PIP4K2A: variants seen among roughly 807,000 people sequenced by gnomAD.
PIP4K2A encodes phosphatidylinositol 5-phosphate 4-kinase type-2 alpha.
A neutral mutation model predicts 42.9 loss-of-function variants in PIP4K2A; 14 were observed. That is an observed-to-expected ratio of 0.33 (90% CI 0.22 to 0.51). PIP4K2A has a LOEUF of 0.51. Among genes scored for constraint, PIP4K2A ranks in the 20% least tolerant of loss-of-function variants. PIP4K2A has a pLI of 0.97. For missense variants in PIP4K2A, 434 were observed against 519.8 expected, an observed-to-expected ratio of 0.83 and a Z score of 1.61; for synonymous variants, 192 against 192.2, an observed-to-expected ratio of 1.00 and a Z score of 0.01.
chr10:22,617,079 G>C (rs1838191598), intron 1 of PIP4K2A, among the ~76,000 whole-genome samples: 1 of 152,200 alleles, frequency 6.6e-6, no homozygotes, highest in Non-Finnish European at 1.5e-5. Flanking sequence ...ACTCAGAAAA[G>C]GTACCTTGAT....
intron 1 of PIP4K2A, among the ~76,000 whole-genome samples, chr10:22,697,747 AACACACACATACACAC>A (rs1335817400): frequency 2.6e-5 from 4 of 151,040 alleles, no homozygotes; most frequent in Middle Eastern, 3.4e-3. Context: ...TAAAAAATTA[AACACACACATACACAC>A]ACACACACAA....
At chr10:22,563,825 G>A (rs1259801273) in intron 6 of PIP4K2A, among the ~76,000 whole-genome samples, 1 of 152,174 alleles carries the variant, frequency 6.6e-6, no homozygotes, top group Non-Finnish European at 1.5e-5. Context: ...TCTGGTGACT[G>A]TTAAGGATTA....
At chr10:22,617,820 C>T (rs1838210498) in intron 1 of PIP4K2A, among the ~76,000 whole-genome samples, 1 of 152,052 alleles carries the variant, frequency 6.6e-6, no homozygotes, top group Admixed American at 6.5e-5. Flanking sequence ...CCCGTGCATC[C>T]CTCCTCAAAA....
chr10:22,658,046 A>C (rs1839136365), intron 1 of PIP4K2A, among the ~76,000 whole-genome samples: 1 of 152,222 alleles, frequency 6.6e-6, no homozygotes, highest in Admixed American at 6.5e-5. Flanking sequence ...AGAAACGTGT[A>C]ATTTTTTTCT....
chr10:22,680,802 C>T (rs1277207377), intron 1 of PIP4K2A, among the ~76,000 whole-genome samples: 1 of 152,156 alleles, frequency 6.6e-6, no homozygotes, highest in Non-Finnish European at 1.5e-5. Context: ...GACATGCCAT[C>T]CCAAAATATG....
intron 7 of PIP4K2A, among the ~76,000 whole-genome samples, chr10:22,549,268 T>A (rs1836335266): frequency 6.6e-6 from 1 of 152,180 alleles, no homozygotes; most frequent in South Asian, 2.1e-4. Context: ...GTTAGAAGAT[T>A]AAAAATAAAT....
At chr10:22,648,569 A>G (rs986175301) in intron 1 of PIP4K2A, among the ~76,000 whole-genome samples, 3 of 152,170 alleles carry the variant, frequency 2.0e-5, no homozygotes, top group African/African-American at 7.2e-5. Context: ...ATTTCATACT[A>G]TCTCTGATTT....
chr10:22,539,680 G>C, intron 9 of PIP4K2A: 1 of 346,326 alleles, frequency 2.9e-6, no homozygotes, highest in Non-Finnish European at 5.3e-6. Flanking sequence ...AGATGTTCAT[G>C]TTTAAGTGAC....
intron 5 of PIP4K2A, chr10:22,569,144 G>A (rs924847479): frequency 1.9e-5 from 18 of 969,552 alleles, no homozygotes; most frequent in Admixed American, 6.1e-5. Flanking sequence ...TCACAGATGC[G>A]GAAACTTGAA....
chr10:22,544,364 G>T (rs964714280), intron 7 of PIP4K2A, among the ~76,000 whole-genome samples: 2 of 152,182 alleles, frequency 1.3e-5, no homozygotes, highest in East Asian at 3.9e-4. Flanking sequence ...TCCCTGCCCT[G>T]TTGTTCCAAG....
At chr10:22,601,603 C>T (rs144705011) in intron 3 of PIP4K2A, among the ~76,000 whole-genome samples, 3 of 152,320 alleles carry the variant, frequency 2.0e-5, no homozygotes, top group Non-Finnish European at 4.4e-5. Context: ...AATGACAGTG[C>T]TTAGGCATTA....
intron 7 of PIP4K2A, among the ~76,000 whole-genome samples, chr10:22,547,703 G>A (rs1836291932): frequency 6.6e-6 from 1 of 152,214 alleles, no homozygotes; most frequent in Non-Finnish European, 1.5e-5. Context: ...GTGAGTCAAT[G>A]AGAGGAGAGA....
rs544864947 is a variant in PIP4K2A at position 22,658,689 on chromosome 10, A to C, written c.145-48972T>G. ...TGGTTGCTGCGCAGCAAAAGATCCCATAAGAATGAGAATGTGAACATCTCT... is the reference window on the plus strand; with the variant it reads ...TGGTTGCTGCGCAGCAAAAGATCCCCTAAGAATGAGAATGTGAACATCTCT... On this transcript the variant is annotated intron_variant, in intron 1 of 9. Transcript: ENST00000376573. Among the ~76,000 whole-genome samples the C allele has an allele frequency of 5.0e-3, 758 of 152,340 alleles. 5 individuals carry two copies. Among genetic ancestry groups the C allele is most frequent in the Non-Finnish European group, 6.9e-3 (472 of 68,020 alleles).
At chr10:22,667,865 C>CTGTGTGTGTGTG (rs10603287) in intron 1 of PIP4K2A, among the ~76,000 whole-genome samples, 3 of 132,550 alleles carry the variant, frequency 2.3e-5, no homozygotes, top group African/African-American at 8.6e-5. Flanking sequence ...CAGTGAACTT[C>CTGTGTGTGTGTG]TGTGTGTGTG....
chr10:22,704,052 C>G (rs1196384125), intron 1 of PIP4K2A, among the ~76,000 whole-genome samples: 1 of 152,040 alleles, frequency 6.6e-6, no homozygotes, highest in East Asian at 1.9e-4. Flanking sequence ...GTGAAGATAC[C>G]TGGTAAGAAA....
intron 1 of PIP4K2A, among the ~76,000 whole-genome samples, chr10:22,663,966 A>G (rs1410053161): frequency 6.8e-6 from 1 of 146,122 alleles, no homozygotes; most frequent in Non-Finnish European, 1.5e-5. Context: ...ATAAATTCCT[A>G]GAGGAAGAAT....
chr10:22,599,705 G>C (rs192559680), intron 3 of PIP4K2A, among the ~76,000 whole-genome samples: 10 of 152,264 alleles, frequency 6.6e-5, no homozygotes, highest in Non-Finnish European at 8.8e-5. Context: ...GTTCATTTTC[G>C]CCTATTTTGC....
At chr10:22,655,157 G>A (rs1386091816) in intron 1 of PIP4K2A, among the ~76,000 whole-genome samples, 2 of 152,216 alleles carry the variant, frequency 1.3e-5, no homozygotes, top group East Asian at 1.9e-4. Flanking sequence ...CATACACAAG[G>A]TAAATTGATA....
intron 7 of PIP4K2A, among the ~76,000 whole-genome samples, chr10:22,543,776 T>G (rs1836188631): frequency 6.6e-6 from 1 of 151,924 alleles, no homozygotes; most frequent in Non-Finnish European, 1.5e-5. Flanking sequence ...CTCACTTGAG[T>G]CCTCCACCCG....
Sources: gnomAD v4.1 joint callset for allele counts (sites outside exome capture counted in the v4.1 genomes callset) on GRCh38, gnomAD v4.1.1 for gene constraint, MANE v1.5 for transcripts, NCBI Gene and HGNC (gene_info 2026-07-23, HGNC 2026-07-21) for gene names.